JMJD1C: variants seen among roughly 807,000 people sequenced by gnomAD.
The protein encoded by JMJD1C is jumonji domain containing 1C, also known as jumonji domain-containing protein 1C.
In JMJD1C, 31 loss-of-function variants were observed where a neutral mutation model predicts 245.3. The observed-to-expected ratio is 0.13, with a 90% CI of 0.09 to 0.17. The LOEUF (loss-of-function observed/expected upper bound fraction) is 0.17. Among genes scored for constraint, JMJD1C ranks in the 10% least tolerant of loss-of-function variants. The pLI, the probability that JMJD1C is intolerant of heterozygous loss-of-function variation, is 1.00. For synonymous variants in JMJD1C, 1,057 were observed against 1,017.4 expected (o/e 1.04, Z -0.74); for missense variants, 2,691 against 3,000.2 (o/e 0.90, Z 2.41).
In JMJD1C at chr10:63,243,525, TC is replaced by T. The variant is rs973986750; in HGVS notation, c.447+21125del. ...TGGGCAAGAAGAGCAAAATTCTGTC[TC>T]AAAAAAAATTTTTTTTCACTAATTT... On this transcript the variant is annotated intron_variant, in intron 3 of 25. Coordinates refer to ENST00000399262, the MANE Select transcript of JMJD1C (RefSeq NM_032776.3). 8.8e-4 allele frequency among the ~76,000 whole-genome samples: 134 copies of T among 152,220 alleles called. 1 individual carries two copies. The highest frequency in any genetic ancestry group is 2.9e-3 in the African/African-American group (121 of 41,530).
At chr10:63,456,016 T>A (rs1952387715) in intron 1 of JMJD1C, among the ~76,000 whole-genome samples, 1 of 152,140 alleles carries the variant, frequency 6.6e-6, no homozygotes, top group African/African-American at 2.4e-5. Flanking sequence ...GTCTTAATAA[T>A]TATTTCTATT....
At chr10:63,513,571 G>A (rs1489219707) in intron 1 of JMJD1C, among the ~76,000 whole-genome samples, 1 of 152,108 alleles carries the variant, frequency 6.6e-6, no homozygotes, top group Non-Finnish European at 1.5e-5. Flanking sequence ...TCTGACAAAG[G>A]TTTCATATCC....
At chr10:63,284,030 G>A (rs375548908) in intron 2 of JMJD1C, among the ~76,000 whole-genome samples, 6 of 146,898 alleles carry the variant, frequency 4.1e-5, no homozygotes, top group Non-Finnish European at 7.5e-5. Context: ...TTTTTTTTTT[G>A]TTTTTTGGGA....
intron 2 of JMJD1C, among the ~76,000 whole-genome samples, chr10:63,333,610 A>G (rs1942393121): frequency 6.6e-6 from 1 of 152,214 alleles, no homozygotes; most frequent in African/African-American, 2.4e-5. Context: ...CATGAATCTG[A>G]ATAAAATGTT....
At chr10:63,340,719 T>C (rs1011821163) in intron 2 of JMJD1C, among the ~76,000 whole-genome samples, 10 of 152,008 alleles carry the variant, frequency 6.6e-5, no homozygotes, top group Non-Finnish European at 1.3e-4. Flanking sequence ...CCAAGGCAGG[T>C]GGATCATCTG....
At chr10:63,452,240 A>G (rs1357239299) in intron 1 of JMJD1C, among the ~76,000 whole-genome samples, 1 of 152,254 alleles carries the variant, frequency 6.6e-6, no homozygotes, top group Non-Finnish European at 1.5e-5. Context: ...CCTATAACAA[A>G]GCAAAACAAA....
At chr10:63,309,424 G>A (rs1396919639) in intron 2 of JMJD1C, among the ~76,000 whole-genome samples, 1 of 140,406 alleles carries the variant, frequency 7.1e-6, no homozygotes, top group Non-Finnish European at 1.5e-5. Context: ...AACCGGGGGG[G>A]CAGAGGTTGC....
Position 63,215,696 on chromosome 10 carries a change from C to T in JMJD1C, c.679G>A (p.Val227Ile), listed in dbSNP as rs893807740. Residue 227 changes from valine to isoleucine, a missense_variant and splice_region_variant, in exon 6 of 26, where the codon GTA (valine) becomes ATA (isoleucine). Transcript: ENST00000399262. ...GGATCGACATTCTGTGGTTCTAGTA[C>T]CTAATCCATGATACAAAACAAAAAC... ...TRTMIVMNDQVLEPQNVDPSM... is the reference protein window; with the variant it reads ...TRTMIVMNDQILEPQNVDPSM... The T allele has an allele frequency of 6.4e-7, 1 of 1,553,554 alleles. No individual in the cohort carries two copies. Among genetic ancestry groups the T allele is most frequent in the African/African-American group, 1.4e-5 (1 of 72,750 alleles).
chr10:63,295,957 A>ATG (rs1234597751), intron 2 of JMJD1C, among the ~76,000 whole-genome samples: 18 of 94,550 alleles, frequency 1.9e-4, no homozygotes, highest in East Asian at 5.0e-4. Flanking sequence ...ATATACACGT[A>ATG]TATGTGTGTG....
chr10:63,337,792 C>A (rs1942988356), intron 2 of JMJD1C, among the ~76,000 whole-genome samples: 1 of 151,904 alleles, frequency 6.6e-6, no homozygotes, highest in African/African-American at 2.4e-5. Context: ...GCTCTCATGC[C>A]CTTTTCTCCC....
At chr10:63,349,100 CAA>C (rs71463516) in intron 2 of JMJD1C, among the ~76,000 whole-genome samples, 5 of 34,872 alleles carry the variant, frequency 1.4e-4, no homozygotes, top group African/African-American at 4.8e-4. Flanking sequence ...GACTCTGTCT[CAA>C]AAAAAAAAAA....
At chr10:63,210,811 A>G (rs1338392025) in intron 8 of JMJD1C, among the ~76,000 whole-genome samples, 1 of 152,210 alleles carries the variant, frequency 6.6e-6, no homozygotes, top group Non-Finnish European at 1.5e-5. Flanking sequence ...GGTAAAGAGG[A>G]TAATATAGTG....
At chr10:63,374,799 C>T (rs960286667) in intron 2 of JMJD1C, among the ~76,000 whole-genome samples, 1 of 151,836 alleles carries the variant, frequency 6.6e-6, no homozygotes, top group Non-Finnish European at 1.5e-5. Context: ...AGATGTTAGG[C>T]AAAAAAGCAG....
chr10:63,336,014 G>C (rs182193980), intron 2 of JMJD1C, among the ~76,000 whole-genome samples: 1 of 151,906 alleles, frequency 6.6e-6, no homozygotes, highest in Non-Finnish European at 1.5e-5. Flanking sequence ...CCAGCTACTC[G>C]GGAGGCTGAG....
chr10:63,380,153 A>G (rs1448857354), intron 2 of JMJD1C, 165 bp downstream of exon 2: 2 of 558,760 alleles, frequency 3.6e-6, no homozygotes, highest in Admixed American at 3.4e-5. Context: ...TTTTTTGCCC[A>G]GGCTGATCTC....
chr10:63,240,231 G>A (rs1019862143), intron 3 of JMJD1C, among the ~76,000 whole-genome samples: 28 of 152,164 alleles, frequency 1.8e-4, no homozygotes, highest in African/African-American at 6.3e-4. Flanking sequence ...AGGGTGAGTA[G>A]TGAAATGGAA....
Position 63,427,481 on chromosome 10 carries a change from T to C in JMJD1C, c.168+38014A>G, listed in dbSNP as rs573686380. ...CAACTCCTGACCAAGACCAACAGGA[T>C]GTCCCACTGGGCCAAGCAACTGTTT... is the stretch of plus-strand genomic sequence containing the variant. On this transcript the variant is annotated intron_variant, in intron 1 of 25. Transcript: ENST00000399262. 25 of 1,236,090 alleles carry C rather than the reference T, an allele frequency of 2.0e-5. No homozygotes were observed. In the African/African-American group the frequency reaches 3.6e-4, roughly 18 times the overall value. The allele number at this position is 1,236,090 out of a possible 1,614,324, so 76.6% of individuals were successfully genotyped here. A position where few individuals can be genotyped will look rare whatever the true frequency, so the allele number is the denominator to read the frequency against.
intron 13 of JMJD1C, among the ~76,000 whole-genome samples, chr10:63,196,341 C>T (rs558518487): frequency 7.2e-5 from 11 of 151,814 alleles, no homozygotes; most frequent in African/African-American, 2.4e-4. Flanking sequence ...TTATCTTATT[C>T]AAAAAAAGCA....
chr10:63,336,777 T>C (rs897164888), intron 2 of JMJD1C, among the ~76,000 whole-genome samples: 2 of 152,110 alleles, frequency 1.3e-5, no homozygotes, highest in Middle Eastern at 3.2e-3. Flanking sequence ...AGAATGCAAA[T>C]AAACAGAGTG....
Sources: gnomAD v4.1 joint callset for allele counts (sites outside exome capture counted in the v4.1 genomes callset) on GRCh38, gnomAD v4.1.1 for gene constraint, MANE v1.5 for transcripts, NCBI Gene and HGNC (gene_info 2026-07-23, HGNC 2026-07-21) for gene names.